VARS2: variants seen among roughly 807,000 people sequenced by gnomAD.
VARS2 encodes valine--tRNA ligase, mitochondrial.
In VARS2, 105 loss-of-function variants were observed where a neutral mutation model predicts 154.1. The observed-to-expected ratio is 0.68, with a 90% CI of 0.58 to 0.80. The LOEUF (loss-of-function observed/expected upper bound fraction) is 0.80, where lower values mean the gene tolerates loss of function less well. Ranked by LOEUF, VARS2 falls within the 30% of genes least tolerant of loss-of-function variation. The pLI is 0.00. For missense variants in VARS2, 1,157 were observed against 1,361.4 expected, an observed-to-expected ratio of 0.85 and a Z score of 2.36; for synonymous variants, 483 against 539.5, an observed-to-expected ratio of 0.90 and a Z score of 1.45.
At position 30,920,642 on chromosome 6, in the gene VARS2, G is replaced by A; in HGVS notation, c.1398-26G>A. ...GAGAAGTCACAGGGCCGGAAGAGCA[G>A]TGGACTCACCCTGTCTCTCTTTCAG... On this transcript the variant is annotated intron_variant, in intron 14 of 29. Coordinates refer to ENST00000676266, the MANE Select transcript of VARS2 (RefSeq NM_020442.6). The surrounding 1 kb of genome is among the most constrained non-coding windows in gnomAD (Gnocchi z 4.6). 1 of 1,528,878 alleles carries A rather than the reference G, an allele frequency of 6.5e-7. No individual in the cohort carries two copies. The highest frequency in any genetic ancestry group is 8.8e-7 in the Non-Finnish European group (1 of 1,132,012). 94.7% of individuals were successfully genotyped at this position (1,528,878 alleles called of 1,614,324 possible).
In VARS2 at chr6:30,921,593, A is replaced by G. The variant is rs761726567; in HGVS notation, c.1637A>G (p.Glu546Gly). 1.1e-5 allele frequency: 17 copies of G among 1,604,918 alleles called. No individual in the cohort carries two copies. Among genetic ancestry groups the G allele is most frequent in the Admixed American group, 5.2e-5 (3 of 58,206 alleles). The change falls in exon 18 of 30, where the codon GAA (glutamate) becomes GGA (glycine). Residue 546 changes from glutamate (E) to glycine (G), a missense_variant. By Grantham distance (98) the Glu-to-Gly change is moderately conservative. Transcript: ENST00000676266. The surrounding 1 kb of genome is among the most constrained non-coding windows in gnomAD (Gnocchi z 4.6). ...AACCCCTTCCTACTTTTGCAGGGAG[A>G]AGAGGACTGTTGGGTGGTTGGGCGG... ...YLVVEDHAQG[E>G]EDCWVVGRSE...
Position 30,916,112 on chromosome 6 carries a change from GCAACC to G in VARS2, c.574-39_574-35del. 1 of 1,346,462 alleles carries G rather than the reference GCAACC, an allele frequency of 7.4e-7. No individual in the cohort carries two copies. Among genetic ancestry groups the G allele is most frequent in the Non-Finnish European group, 9.9e-7 (1 of 1,009,144 alleles). 83.4% of individuals were successfully genotyped at this position (1,346,462 alleles called of 1,614,324 possible). A position where few individuals can be genotyped will look rare whatever the true frequency, so the allele number is the denominator to read the frequency against. Reference sequence around the variant, plus strand: ...CAATTTCTTCCCCCAAAGCAACCAAGCAACCTGACTCTGTTCATTTGCCCTGAATC... The same window carrying G: ...CAATTTCTTCCCCCAAAGCAACCAAGTGACTCTGTTCATTTGCCCTGAATC... On this transcript the variant is annotated intron_variant, in intron 6 of 29. Transcript: ENST00000676266. The surrounding 1 kb of genome is among the most constrained non-coding windows in gnomAD (Gnocchi z 4.0).
At position 30,916,160 on chromosome 6, in the gene VARS2, G is replaced by A. The variant is rs778963499; in HGVS notation, c.582G>A (p.Val194=). The change falls in exon 7 of 30, where the codon GTG becomes GTA. Residue 194 remains valine (V), a synonymous_variant. Coordinates refer to ENST00000676266, the MANE Select transcript of VARS2 (RefSeq NM_020442.6). The surrounding 1 kb of genome is among the most constrained non-coding windows in gnomAD (Gnocchi z 4.0). The part of the protein sequence containing the change: ...DHAGIATQAV[V]EKQLWKERGV... ...CCTGAATCCAACTGCAGGCTGTGGT[G>A]GAGAAACAACTGTGGAAGGAACGGG... 1.4e-5 allele frequency: 23 copies of A among 1,613,738 alleles called. No homozygotes were observed. The highest frequency in any genetic ancestry group is 1.9e-5 in the Non-Finnish European group (23 of 1,179,822).
chr6:30,914,872 A>G lies in VARS2; in HGVS notation c.36A>G (p.Pro12=). Residue 12 remains proline (P), a synonymous_variant, in exon 2 of 30, where the codon CCA becomes CCG. Transcript: ENST00000676266. ...TGCCTCTCGCCTCTTTTCGACCACCATTTTGGGGGCTGAGGCACTCACGGG... is the reference window on the plus strand; with the variant it reads ...TGCCTCTCGCCTCTTTTCGACCACCGTTTTGGGGGCTGAGGCACTCACGGG... The part of the protein sequence containing the change: ...PHLPLASFRP[P]FWGLRHSRGL... The G allele has an allele frequency of 6.2e-7, 1 of 1,612,630 alleles. No individual in the cohort carries two copies. The highest frequency in any genetic ancestry group is 8.5e-7 in the Non-Finnish European group (1 of 1,179,944).
At position 30,914,501 on chromosome 6, in the gene VARS2, T is replaced by C; in HGVS notation, c.-28+157T>C. ...ATCGCCGCGGCCCTGGCGGGACTCC[T>C]TGCTGGCTCTTGGGCGCGCTGATGC... On this transcript the variant is annotated intron_variant, in intron 1 of 29. Coordinates refer to ENST00000676266, the MANE Select transcript of VARS2 (RefSeq NM_020442.6). 1.3e-5 allele frequency: 18 copies of C among 1,334,090 alleles called. No homozygotes were observed. The South Asian group carries it at 3.4e-4, about 25-fold the overall frequency. The allele number at this position is 1,334,090 out of a possible 1,614,324, so 82.6% of individuals were successfully genotyped here.
In VARS2 at chr6:30,922,927, G is replaced by A; in HGVS notation, c.2136G>A (p.Glu712=). Residue 712 remains glutamate, a synonymous_variant, in exon 23 of 30, where the codon GAG becomes GAA. Transcript: ENST00000676266. ...QKKDFPHGIP[E]CGTDALRFTL... is the part of the protein sequence containing the mutation. ...AGGACTTTCCTCACGGGATCCCTGA[G>A]TGTGGGACAGATGCCCTGAGATTCA... 4 of 1,610,624 alleles carry A rather than the reference G, an allele frequency of 2.5e-6. No individual in the cohort carries two copies. Among genetic ancestry groups the A allele is most frequent in the East Asian group, 4.5e-5 (2 of 44,808 alleles).
Position 30,922,770 on chromosome 6 carries a change from C to A in VARS2, c.2102C>A (p.Ala701Glu), listed in dbSNP as rs575936370. 2.5e-6 allele frequency: 4 copies of A among 1,610,246 alleles called. No individual in the cohort carries two copies. Among genetic ancestry groups the A allele is most frequent in the East Asian group, 2.2e-5 (1 of 44,820 alleles). Residue 701 changes from alanine (A) to glutamate (E), a missense_variant, in exon 22 of 30, where the codon GCA (alanine) becomes GAA (glutamate). Ala to Glu is a moderately radical substitution (Grantham distance 107). Coordinates refer to ENST00000676266, the MANE Select transcript of VARS2 (RefSeq NM_020442.6). The part of the protein sequence containing the change: ...DPAELAIVAA[A>E]QKKDFPHGIP... The stretch of plus-strand genomic sequence containing the variant: ...GCAGAGCTGGCCATTGTGGCTGCAG[C>A]ACAGGTGAGTCATCGCTGCCTGCCC...
At chr6:30,915,501 G>T in intron 4 of VARS2, 46 bp downstream of exon 4, 1 of 1,580,952 alleles carries the variant, frequency 6.3e-7, no homozygotes, top group South Asian at 1.1e-5. Flanking sequence ...CCAGGACAGA[G>T]TGGCCCTTGA....
rs761380290 is a variant in VARS2 at position 30,925,344 on chromosome 6, C to A, written c.2744C>A (p.Ala915Asp). The change falls in exon 27 of 30, where the codon GCT (alanine) becomes GAT (aspartate). Residue 915 changes from alanine (A) to aspartate (D), a missense_variant. Ala to Asp is a moderately radical substitution (Grantham distance 126). Transcript: ENST00000676266. ...RVQEVVQVLR[A>D]LRATYQLTKA... ...CAAGAGGTCGTGCAGGTGCTAAGGG[C>A]TCTCCGAGCCACGTACCAGCTCACC... 2 of 1,612,290 alleles carry A rather than the reference C, an allele frequency of 1.2e-6. No individual in the cohort carries two copies. The highest frequency in any genetic ancestry group is 1.7e-6 in the Non-Finnish European group (2 of 1,179,588).
Position 30,922,435 on chromosome 6 carries a change from C to A in VARS2, c.1933-15C>A, listed in dbSNP as rs943458953. On this transcript the variant is annotated splice_polypyrimidine_tract_variant and intron_variant, in intron 20 of 29. Transcript: ENST00000676266. ...CCAAGGAAACCCCCCTCTGTTGACC[C>A]CTCCCTGCCCCCAGGTGCTTCTTCA... 4.4e-6 allele frequency: 7 copies of A among 1,608,510 alleles called. No individual in the cohort carries two copies. Among genetic ancestry groups the A allele is most frequent in the Middle Eastern group, 1.7e-4 (1 of 6,044 alleles).
chr6:30,914,719 C>G (rs557560957), intron 1 of VARS2, 91 bp from the exon 2 acceptor site: 1 of 1,278,212 alleles, frequency 7.8e-7, no homozygotes, highest in Non-Finnish European at 1.1e-6. Context: ...AATAACAGAC[C>G]TGTGCTAATT....
chr6:30,923,993 G>A, intron 25 of VARS2: 1 of 401,142 alleles, frequency 2.5e-6, no homozygotes, highest in Non-Finnish European at 4.5e-6. Context: ...GTGGTGTAAT[G>A]AATATTCATT....
Position 30,920,652 on chromosome 6 carries a change from C to G in VARS2, c.1398-16C>G. Reference sequence around the variant, plus strand: ...AGGGCCGGAAGAGCAGTGGACTCACCCTGTCTCTCTTTCAGCCGTTCTGGG... The same window carrying G: ...AGGGCCGGAAGAGCAGTGGACTCACGCTGTCTCTCTTTCAGCCGTTCTGGG... On this transcript the variant is annotated splice_polypyrimidine_tract_variant and intron_variant, in intron 14 of 29. Transcript: ENST00000676266. This position sits in a 1 kb window ranked among gnomAD's most constrained non-coding sequence, Gnocchi z 4.6. 3 of 1,554,228 alleles carry G rather than the reference C, an allele frequency of 1.9e-6. No homozygotes were observed. In the South Asian group the frequency reaches 3.6e-5, roughly 19 times the overall value.
chr6:30,920,343 G>C lies in VARS2; in HGVS notation c.1304G>C (p.Arg435Pro). 1 of 1,610,854 alleles carries C rather than the reference G, an allele frequency of 6.2e-7. No individual in the cohort carries two copies. Among genetic ancestry groups the C allele is most frequent in the Non-Finnish European group, 8.5e-7 (1 of 1,178,754 alleles). The change falls in exon 14 of 30, where the codon CGG becomes CCG. Residue 435 changes from arginine to proline, a missense_variant. Coordinates refer to ENST00000676266, the MANE Select transcript of VARS2 (RefSeq NM_020442.6). This position sits in a 1 kb window ranked among gnomAD's most constrained non-coding sequence, Gnocchi z 4.6. ...CCGCTTTTTCTCCAGGGTCTTCACC[G>C]GTTTGTGGCCCGGGAAAAGATAATG... ...LCGDWLQGLH[R>P]FVAREKIMSV... is the part of the protein sequence containing the mutation.
rs150792425 is a variant in VARS2 at position 30,925,277 on chromosome 6, C to T, written c.2677C>T (p.His893Tyr). 125 of 1,610,590 alleles carry T rather than the reference C, an allele frequency of 7.8e-5. 1 individual carries two copies. The Middle Eastern group carries it at 8.3e-4, about 11-fold the overall frequency. ...TCTGGGTCCCCCCCATTGCCAGGAG[C>T]ACTGGCGCCAGCCAGAGCTGGAGCG... The part of the protein sequence containing the change: ...APYPSACSLE[H>Y]WRQPELERRF... Residue 893 changes from histidine (H) to tyrosine (Y), a missense_variant, in exon 27 of 30, where the codon CAC (histidine) becomes TAC (tyrosine). Coordinates refer to ENST00000676266, the MANE Select transcript of VARS2 (RefSeq NM_020442.6).
At chr6:30,914,629 G>A in intron 1 of VARS2, 181 bp from the exon 2 acceptor site, 1 of 1,094,756 alleles carries the variant, frequency 9.1e-7, no homozygotes, top group East Asian at 2.7e-5. Context: ...GATATCCGTG[G>A]CTCCATGGCG....
Position 30,921,096 on chromosome 6 carries a change from C to T in VARS2, c.1511C>T (p.Pro504Leu), listed in dbSNP as rs1276056067. The T allele has an allele frequency of 6.2e-7, 1 of 1,613,830 alleles. No homozygotes were observed. The highest frequency in any genetic ancestry group is 8.5e-7 in the Non-Finnish European group (1 of 1,179,856). The change falls in exon 16 of 30, where the codon CCC becomes CTC. Residue 504 changes from proline (P) to leucine (L), a missense_variant. By Grantham distance (98) the Pro-to-Leu change is moderately conservative. Transcript: ENST00000676266. This position sits in a 1 kb window ranked among gnomAD's most constrained non-coding sequence, Gnocchi z 4.6. ...GAGTCGGGGGCCCTGGAGCTCAGTC[C>T]CTCCTTCCACCAGAAGAACTGGCAG... is the stretch of plus-strand genomic sequence containing the variant. ...AVESGALELS[P>L]SFHQKNWQHW...
intron 4 of VARS2, 144 bp downstream of exon 4, chr6:30,915,599 TC>T: frequency 6.9e-7 from 1 of 1,459,522 alleles, no homozygotes; most frequent in South Asian, 1.3e-5. Context: ...CTTGGCAGGT[TC>T]CCCCTGGCCA....
chr6:30,926,016 T>C lies in VARS2; in HGVS notation c.3090+8T>C, dbSNP rs1207775120. ...ACTCAGAGGCAACAAAAGGTAAGGC[T>C]GAGGGAGGCCCCCAGAAGGCTCCAC... On this transcript the variant is annotated splice_region_variant and intron_variant, in intron 29 of 29. Coordinates refer to ENST00000676266, the MANE Select transcript of VARS2 (RefSeq NM_020442.6). 1 of 1,613,102 alleles carries C rather than the reference T, an allele frequency of 6.2e-7. No individual in the cohort carries two copies. The highest frequency in any genetic ancestry group is 8.5e-7 in the Non-Finnish European group (1 of 1,180,012).
Sources: allele counts gnomAD v4.1 joint callset, GRCh38; gene constraint gnomAD v4.1.1; non-coding constraint Gnocchi (gnomAD v3.1); transcripts MANE v1.5; gene names NCBI Gene and HGNC (gene_info 2026-07-23, HGNC 2026-07-21).